The following FIRRM variants were observed in gnomAD, a reference collection of about 807,000 sequenced individuals.
The protein encoded by FIRRM is FIGNL1-interacting regulator of recombination and mitosis.
At chr1:169,848,406 A>G in the FIRRM span, among the ~76,000 whole-genome samples, 2 of 152,212 alleles carry the variant, frequency 1.3e-5, no homozygotes, top group Non-Finnish European at 2.9e-5. Context: ...AAATTTAGTA[A>G]TTCTAGTAAT....
chr1:169,834,380 A>G, the FIRRM span, among the ~76,000 whole-genome samples: 1 of 152,326 alleles, frequency 6.6e-6, no homozygotes, highest in East Asian at 1.9e-4. Flanking sequence ...GATAGATACT[A>G]ATACTCATAT....
chr1:169,842,395 C>T, the FIRRM span: 1 of 1,606,254 alleles, frequency 6.2e-7, no homozygotes, highest in Non-Finnish European at 8.5e-7. Context: ...AACTCAAGTC[C>T]TTTCCTGTTT....
the FIRRM span, among the ~76,000 whole-genome samples, chr1:169,812,699 A>G: frequency 5.9e-5 from 9 of 152,128 alleles, no homozygotes; most frequent in Admixed American, 2.0e-4. Context: ...TCTACTAAAA[A>G]TACAAAAATT....
At chr1:169,836,021 C>A in the FIRRM span, among the ~76,000 whole-genome samples, 1 of 149,460 alleles carries the variant, frequency 6.7e-6, no homozygotes, top group Admixed American at 6.7e-5. Flanking sequence ...ACAAATATAG[C>A]ATATGACAGA....
At chr1:169,788,839 C>T in the FIRRM span, among the ~76,000 whole-genome samples, 1 of 152,082 alleles carries the variant, frequency 6.6e-6, no homozygotes, top group Non-Finnish European at 1.5e-5. Flanking sequence ...TCTTTGTAAT[C>T]GTTAATTGTA....
chr1:169,852,776 T>G, the FIRRM span: 1 of 1,612,186 alleles, frequency 6.2e-7, no homozygotes, highest in Non-Finnish European at 8.5e-7. Context: ...ATATTACTTA[T>G]GTTTTTTTTC....
chr1:169,825,767 T>C, the FIRRM span, among the ~76,000 whole-genome samples: 3 of 152,196 alleles, frequency 2.0e-5, no homozygotes, highest in Non-Finnish European at 4.4e-5. Context: ...TTTCCATCAC[T>C]CTACAAAAAC....
the FIRRM span, chr1:169,853,880 A>T: frequency 8.2e-6 from 10 of 1,226,382 alleles, no homozygotes; most frequent in Non-Finnish European, 1.2e-5. Context: ...TGATGCCAGA[A>T]ACACTACCTC....
At chr1:169,826,411 G>A in the FIRRM span, among the ~76,000 whole-genome samples, 1 of 137,610 alleles carries the variant, frequency 7.3e-6, no homozygotes, top group African/African-American at 2.8e-5. Context: ...CGCCCAGGCT[G>A]GAGTGCAGTG....
At chr1:169,843,863 A>T in the FIRRM span, 1 of 723,590 alleles carries the variant, frequency 1.4e-6, no homozygotes, top group Non-Finnish European at 2.4e-6. Flanking sequence ...GTTCCTTTAA[A>T]CCTCCTCTTG....
At chr1:169,808,609 T>TG in the FIRRM span, among the ~76,000 whole-genome samples, 2 of 13,826 alleles carry the variant, frequency 1.4e-4, no homozygotes, top group South Asian at 9.2e-3. Flanking sequence ...ATGTCATTTG[T>TG]TTTTTTTTTT....
the FIRRM span, among the ~76,000 whole-genome samples, chr1:169,839,778 A>T: frequency 7.2e-5 from 11 of 152,174 alleles, no homozygotes; most frequent in Admixed American, 2.0e-4. Flanking sequence ...TTTCATTACA[A>T]TTGCTATTGG....
chr1:169,840,742 C>G, the FIRRM span, among the ~76,000 whole-genome samples: 1 of 152,042 alleles, frequency 6.6e-6, no homozygotes, highest in Non-Finnish European at 1.5e-5. Context: ...GATCTCCTGA[C>G]ATTGTGATCC....
chr1:169,792,610 G>T, the FIRRM span: 7 of 1,574,386 alleles, frequency 4.4e-6, no homozygotes, highest in Non-Finnish European at 6.0e-6. Context: ...TTTCAATTAT[G>T]AACCTCTTCA....
the FIRRM span, among the ~76,000 whole-genome samples, chr1:169,848,257 C>A: frequency 6.6e-6 from 1 of 152,090 alleles, no homozygotes; most frequent in East Asian, 1.9e-4. Flanking sequence ...AATTATACTG[C>A]ACTGGCCTGG....
chr1:169,792,724 T>C, the FIRRM span: 1 of 1,613,928 alleles, frequency 6.2e-7, no homozygotes, highest in Non-Finnish European at 8.5e-7. Flanking sequence ...AATAATGTGC[T>C]TTGCTGGCCA....
At chr1:169,849,622 T>C in the FIRRM span, 10 of 1,542,574 alleles carry the variant, frequency 6.5e-6, no homozygotes, top group Non-Finnish European at 8.9e-6. Context: ...TAAAACTGAT[T>C]TATCACAGTG....
chr1:169,791,840 T>G, the FIRRM span, among the ~76,000 whole-genome samples: 2 of 152,224 alleles, frequency 1.3e-5, no homozygotes, highest in South Asian at 4.1e-4. Context: ...CAATTCCCAA[T>G]GTGGTAACGT....
At chr1:169,844,547 G>T in the FIRRM span, among the ~76,000 whole-genome samples, 1 of 152,200 alleles carries the variant, frequency 6.6e-6, no homozygotes, top group Non-Finnish European at 1.5e-5. Context: ...AGAAAGGAAT[G>T]AAACTAGTAA....
Sources: gnomAD v4.1 joint callset for allele counts (sites outside exome capture counted in the v4.1 genomes callset) on GRCh38, gnomAD v4.1.1 for gene constraint, MANE v1.5 for transcripts, NCBI Gene and HGNC (gene_info 2026-07-23, HGNC 2026-07-21) for gene names.